Variants in KDM4C observed in about 807,000 individuals in gnomAD.
The protein encoded by KDM4C is lysine-specific demethylase 4C.
Under a neutral mutation model 129.3 loss-of-function variants are expected in KDM4C, and 81 were observed. The ratio of observed to expected loss-of-function variants is 0.63; its 90% confidence interval spans 0.52 to 0.75. The LOEUF is 0.75. KDM4C is among the 30% of genes least tolerant of loss of function. The pLI, the probability that KDM4C is intolerant of heterozygous loss-of-function variation, is 0.00. For missense variants in KDM4C, 1,457 were observed against 1,304.0 expected, an observed-to-expected ratio of 1.12 and a Z score of -1.81; for synonymous variants, 573 against 456.1, an observed-to-expected ratio of 1.26 and a Z score of -3.26.
intron 19 of KDM4C, among the ~76,000 whole-genome samples, chr9:7,133,023 T>C (rs964493381): frequency 1.3e-5 from 2 of 152,174 alleles, no homozygotes; most frequent in African/African-American, 4.8e-5. Flanking sequence ...TTATGGCCTT[T>C]AGTTTTGAGG....
chr9:7,040,237 A>G (rs999720786), intron 15 of KDM4C, among the ~76,000 whole-genome samples: 14 of 151,906 alleles, frequency 9.2e-5, no homozygotes, highest in Middle Eastern at 6.8e-3. Context: ...CCACAGTGTT[A>G]TTATTTTTGT....
At chr9:7,001,921 C>G (rs967170332) in intron 12 of KDM4C, among the ~76,000 whole-genome samples, 2 of 152,138 alleles carry the variant, frequency 1.3e-5, no homozygotes, top group Admixed American at 1.3e-4. Context: ...GAGACAGAGT[C>G]TTACTCTGTT....
chr9:7,114,067 G>T (rs1838630262), intron 18 of KDM4C, among the ~76,000 whole-genome samples: 1 of 152,134 alleles, frequency 6.6e-6, no homozygotes, highest in Non-Finnish European at 1.5e-5. Flanking sequence ...TGTTTTATAG[G>T]TTAAAACTGG....
Position 7,087,513 on chromosome 9 carries a change from T to C in KDM4C, c.2425-16172T>C, listed in dbSNP as rs1835268093. On this transcript the variant is annotated intron_variant, in intron 17 of 21. Transcript: ENST00000381309. ...GCCAAACTAGAGGTTTTTTAAAACTTAGAGTCTTGTCATAGGAAATTTTTT... is the reference window on the plus strand; with the variant it reads ...GCCAAACTAGAGGTTTTTTAAAACTCAGAGTCTTGTCATAGGAAATTTTTT... Among the ~76,000 whole-genome samples, 6 of 152,118 alleles carry C rather than the reference T, an allele frequency of 3.9e-5. No homozygotes were observed. The South Asian group carries it at 1.2e-3, about 31-fold the overall frequency.
intron 17 of KDM4C, among the ~76,000 whole-genome samples, chr9:7,049,603 C>G (rs775742691): frequency 1.1e-4 from 16 of 152,046 alleles, no homozygotes; most frequent in Non-Finnish European, 1.5e-4. Context: ...ATTTCATTAT[C>G]TCTTCACCAA....
chr9:7,159,997 T>G (rs528341387), intron 19 of KDM4C, among the ~76,000 whole-genome samples: 10 of 152,354 alleles, frequency 6.6e-5, no homozygotes, highest in Non-Finnish European at 1.2e-4. Flanking sequence ...TCTTTTCACA[T>G]AGACCCATAT....
At chr9:6,924,568 G>A (rs1023944478) in intron 8 of KDM4C, among the ~76,000 whole-genome samples, 1 of 152,116 alleles carries the variant, frequency 6.6e-6, no homozygotes, top group African/African-American at 2.4e-5. Flanking sequence ...TAGCTGGCCT[G>A]GGGCACCACT....
intron 4 of KDM4C, among the ~76,000 whole-genome samples, chr9:6,838,875 CTATAT>C (rs1353742658): frequency 1.3e-5 from 2 of 152,136 alleles, no homozygotes; most frequent in Admixed American, 1.3e-4. Flanking sequence ...AATCCTCAGT[CTATAT>C]TAAAGTGTAG....
At chr9:6,757,885 G>A (rs1818526266), upstream of KDM4C, 2 of 985,404 alleles carry the variant, frequency 2.0e-6, no homozygotes, top group East Asian at 1.1e-4. Context: ...GAGCGTGCCG[G>A]GCACCTTTAA....
At chr9:6,798,749 G>A (rs1828258614) in intron 2 of KDM4C, among the ~76,000 whole-genome samples, 1 of 152,190 alleles carries the variant, frequency 6.6e-6, no homozygotes, top group Non-Finnish European at 1.5e-5. Flanking sequence ...TCAATGAGCT[G>A]TTGGGTACAC....
chr9:7,118,226 C>T (rs1313278839), intron 18 of KDM4C, among the ~76,000 whole-genome samples: 3 of 152,158 alleles, frequency 2.0e-5, no homozygotes, highest in Non-Finnish European at 4.4e-5. Flanking sequence ...CCACCATTTC[C>T]CACTGTATTA....
chr9:6,977,737 T>C (rs895711907), intron 8 of KDM4C, among the ~76,000 whole-genome samples: 4 of 152,268 alleles, frequency 2.6e-5, no homozygotes, highest in African/African-American at 9.6e-5. Flanking sequence ...TTGCAACATA[T>C]GATCCAAACA....
intron 19 of KDM4C, among the ~76,000 whole-genome samples, chr9:7,151,156 A>G (rs992510193): frequency 9.2e-5 from 14 of 152,150 alleles, no homozygotes; most frequent in African/African-American, 3.4e-4. Flanking sequence ...ATAAAAAGCA[A>G]CAACCACAAA....
intron 4 of KDM4C, among the ~76,000 whole-genome samples, chr9:6,842,275 G>T (rs1312414742): frequency 1.3e-5 from 2 of 148,418 alleles, no homozygotes; most frequent in African/African-American, 4.9e-5. Flanking sequence ...ATTTTTTGCA[G>T]ATTTGGCCAC....
At chr9:6,939,965 C>T (rs62533836) in intron 8 of KDM4C, among the ~76,000 whole-genome samples, 3,219 of 89,306 alleles carry the variant, frequency 0.036, 48 homozygotes, top group South Asian at 0.075. Context: ...AACCAACCTA[C>T]CTACCTACCT....
At chr9:6,896,487 A>G (rs1816465213) in intron 8 of KDM4C, among the ~76,000 whole-genome samples, 7 of 151,222 alleles carry the variant, frequency 4.6e-5, no homozygotes, top group Admixed American at 4.6e-4. Context: ...ATATATATAT[A>G]TAAAAATATA....
At chr9:6,844,202 C>G (rs1837459907) in intron 4 of KDM4C, among the ~76,000 whole-genome samples, 1 of 152,126 alleles carries the variant, frequency 6.6e-6, no homozygotes, top group Non-Finnish European at 1.5e-5. Context: ...TGGATTGAGT[C>G]TTCTCTTTTC....
intron 15 of KDM4C, among the ~76,000 whole-genome samples, chr9:7,028,387 G>C (rs990888566): frequency 6.6e-6 from 1 of 151,820 alleles, no homozygotes; most frequent in East Asian, 1.9e-4. Flanking sequence ...ATGTCCAGGA[G>C]CTAGGCCCTG....
At chr9:6,775,022 T>G (rs957729472) in intron 1 of KDM4C, among the ~76,000 whole-genome samples, 2 of 152,180 alleles carry the variant, frequency 1.3e-5, no homozygotes, top group Non-Finnish European at 2.9e-5. Flanking sequence ...ATTTATTTTC[T>G]TTTTTTGAGA....
Sources: gnomAD v4.1 joint callset for allele counts (sites outside exome capture counted in the v4.1 genomes callset) on GRCh38, gnomAD v4.1.1 for gene constraint, MANE v1.5 for transcripts, NCBI Gene and HGNC (gene_info 2026-07-23, HGNC 2026-07-21) for gene names.